Variants in LRIG1 observed in about 807,000 individuals in gnomAD.
LRIG1 encodes leucine rich repeats and immunoglobulin like domains 1.
Under a neutral mutation model 99.2 loss-of-function variants are expected in LRIG1, and 48 were observed. The ratio of observed to expected loss-of-function variants is 0.48; its 90% CI spans 0.38 to 0.62. The LOEUF (loss-of-function observed/expected upper bound fraction) is 0.62. Ranked by LOEUF, LRIG1 falls within the 20% of genes least tolerant of loss-of-function variation. LRIG1 has a pLI of 0.00. For synonymous variants in LRIG1, 772 were observed against 596.1 expected (o/e 1.29, Z -4.30); for missense variants, 1,646 against 1,434.4 (o/e 1.15, Z -2.38).
intron 1 of LRIG1, among the ~76,000 whole-genome samples, chr3:66,477,911 G>A (rs984448925): frequency 1.3e-5 from 2 of 152,152 alleles, no homozygotes; most frequent in African/African-American, 4.8e-5. Context: ...ACAGATGTTG[G>A]TTGTTGTTTC....
chr3:66,391,215 C>T (rs1701603198), intron 12 of LRIG1, among the ~76,000 whole-genome samples: 4 of 152,114 alleles, frequency 2.6e-5, no homozygotes, highest in Admixed American at 2.0e-4. Flanking sequence ...TGGTGATGGG[C>T]ATGTAAAATC....
At chr3:66,469,538 A>C (rs189463446) in intron 1 of LRIG1, among the ~76,000 whole-genome samples, 1 of 152,190 alleles carries the variant, frequency 6.6e-6, no homozygotes, top group East Asian at 1.9e-4. Context: ...ACTCATGCCT[A>C]CCTCTGTGAT....
At chr3:66,489,645 C>T (rs947540757) in intron 1 of LRIG1, among the ~76,000 whole-genome samples, 8 of 152,078 alleles carry the variant, frequency 5.3e-5, no homozygotes, top group South Asian at 2.1e-4. Flanking sequence ...AGTTTACTCC[C>T]TTTTTGCTTC....
chr3:66,417,059 G>C (rs1306865606), intron 4 of LRIG1, 70 bp downstream of exon 4: 2 of 1,581,118 alleles, frequency 1.3e-6, no homozygotes, highest in Non-Finnish European at 1.7e-6. Context: ...TCCAGAACTG[G>C]GTGCCGGTGA....
At chr3:66,425,894 G>T (rs1702966972) in intron 3 of LRIG1, among the ~76,000 whole-genome samples, 1 of 152,234 alleles carries the variant, frequency 6.6e-6, no homozygotes, top group Non-Finnish European at 1.5e-5. Flanking sequence ...GCTCTCCCCA[G>T]TTGGCTACAT....
intron 1 of LRIG1, among the ~76,000 whole-genome samples, chr3:66,473,375 T>C (rs1198868718): frequency 6.6e-6 from 1 of 152,196 alleles, no homozygotes; most frequent in Non-Finnish European, 1.5e-5. Flanking sequence ...CAGCCTCCAC[T>C]GGAACTTACA....
intron 12 of LRIG1, chr3:66,386,514 T>G (rs976275197): frequency 3.7e-6 from 2 of 547,870 alleles, no homozygotes; most frequent in African/African-American, 3.8e-5. Context: ...ACTGATCACC[T>G]TTATGATCAC....
At chr3:66,425,705 G>A (rs779169162) in intron 3 of LRIG1, among the ~76,000 whole-genome samples, 5 of 152,142 alleles carry the variant, frequency 3.3e-5, no homozygotes, top group Non-Finnish European at 7.3e-5. Flanking sequence ...ATGGGGACCG[G>A]GGGAAGTGTG....
At chr3:66,450,518 C>T (rs184326611) in intron 3 of LRIG1, among the ~76,000 whole-genome samples, 1 of 152,228 alleles carries the variant, frequency 6.6e-6, no homozygotes, top group East Asian at 1.9e-4. Flanking sequence ...CCCACAATGC[C>T]ATGAAAAGGG....
chr3:66,451,664 AG>A, intron 2 of LRIG1, 31 bp from the exon 3 acceptor site: 2 of 1,547,100 alleles, frequency 1.3e-6, no homozygotes, highest in Non-Finnish European at 1.8e-6. Context: ...TAATCATGTA[AG>A]GCATTTGAAT....
At chr3:66,390,225 G>A (rs532655212) in intron 12 of LRIG1, among the ~76,000 whole-genome samples, 159 of 152,050 alleles carry the variant, frequency 1.0e-3, no homozygotes, top group Non-Finnish European at 1.9e-3. Flanking sequence ...AAAATCCTAA[G>A]AAATTTACTG....
chr3:66,435,278 G>T (rs529785666), intron 3 of LRIG1, among the ~76,000 whole-genome samples: 1 of 152,160 alleles, frequency 6.6e-6, no homozygotes, highest in African/African-American at 2.4e-5. Flanking sequence ...ACCAGGGGGG[G>T]CTAGGCATGG....
At position 66,386,589 on chromosome 3, in the gene LRIG1, TA is replaced by T. The variant is rs2107941201; in HGVS notation, c.1469-289del. 4 of 366,666 alleles carry T rather than the reference TA, an allele frequency of 1.1e-5. No individual in the cohort carries two copies. In the South Asian group the frequency reaches 1.4e-4, roughly 13 times the overall value. The allele number at this position is 366,666 out of a possible 1,614,324, so 22.7% of individuals were successfully genotyped here. ...CAAACCAGCCAGCCGGCAGTTTCCTTAAGACAACTGGCTCTGCCTGCTGACT... is the reference window on the plus strand; with the variant it reads ...CAAACCAGCCAGCCGGCAGTTTCCTTAGACAACTGGCTCTGCCTGCTGACT... On this transcript the variant is annotated intron_variant, in intron 12 of 18. Transcript: ENST00000273261.
At chr3:66,459,979 T>C (rs558125873) in intron 2 of LRIG1, among the ~76,000 whole-genome samples, 1 of 152,106 alleles carries the variant, frequency 6.6e-6, no homozygotes, top group South Asian at 2.1e-4. Flanking sequence ...ATTTTACTCA[T>C]CATTTTTTTT....
chr3:66,468,976 T>C (rs1196001076), intron 1 of LRIG1: 1 of 152,230 alleles, frequency 6.6e-6, no homozygotes, highest in Non-Finnish European at 1.5e-5. Flanking sequence ...GAATATTAGA[T>C]GTTCTTACCT....
At chr3:66,404,295 G>C (rs192622955) in intron 9 of LRIG1, 2 of 1,289,220 alleles carry the variant, frequency 1.6e-6, no homozygotes, top group South Asian at 1.2e-5. Flanking sequence ...CTTGACACTC[G>C]CACTCTGCTG....
chr3:66,404,141 T>A, intron 9 of LRIG1: 1 of 748,858 alleles, frequency 1.3e-6, no homozygotes. Context: ...ACAGAGCTTA[T>A]TCCTAAGCAG....
chr3:66,412,043 T>C (rs1238960968), intron 6 of LRIG1, among the ~76,000 whole-genome samples: 1 of 152,206 alleles, frequency 6.6e-6, no homozygotes, highest in Non-Finnish European at 1.5e-5. Flanking sequence ...AATATTAACG[T>C]TTAAAAAGGC....
intron 10 of LRIG1, 55 bp downstream of exon 10, chr3:66,398,915 C>T: frequency 6.8e-7 from 1 of 1,481,394 alleles, no homozygotes; most frequent in Non-Finnish European, 9.4e-7. Flanking sequence ...GCAGAACTCC[C>T]CGGCAGCCGC....
Sources: gnomAD v4.1 joint callset for allele counts (sites outside exome capture counted in the v4.1 genomes callset) on GRCh38, gnomAD v4.1.1 for gene constraint, MANE v1.5 for transcripts, NCBI Gene and HGNC (gene_info 2026-07-23, HGNC 2026-07-21) for gene names.